Variants in FOXP1 observed in about 807,000 individuals in gnomAD.
FOXP1 encodes the protein forkhead box P1, also known as forkhead box protein P1.
In FOXP1, 15 loss-of-function variants were observed where a neutral mutation model predicts 98.2. The observed-to-expected ratio is 0.15, with a 90% CI of 0.10 to 0.24. The LOEUF (loss-of-function observed/expected upper bound fraction) is 0.24, where lower values mean the gene tolerates loss of function less well. Ranked by LOEUF, FOXP1 falls within the 10% of genes least tolerant of loss-of-function variation. FOXP1 has a pLI of 1.00. For missense variants in FOXP1, 633 were observed against 848.5 expected (o/e 0.75, Z 3.15); for synonymous variants, 371 against 314.5 (o/e 1.18, Z -1.90).
At chr3:71,279,172 C>CAAAAAAAAAAAAAAAAAAA (rs11308828) in intron 5 of FOXP1, among the ~76,000 whole-genome samples, 26 of 69,778 alleles carry the variant, frequency 3.7e-4, no homozygotes, top group East Asian at 7.9e-4. Flanking sequence ...AACTCCATCT[C>CAAAAAAAAAAAAAAAAAAA]AAAAAAAAAA....
intron 5 of FOXP1, among the ~76,000 whole-genome samples, chr3:71,236,082 G>A (rs1222925217): frequency 6.6e-6 from 1 of 152,140 alleles, no homozygotes; most frequent in East Asian, 1.9e-4. Flanking sequence ...AACATTCAAG[G>A]AATCCCATTC....
At chr3:71,126,260 G>A (rs946964826) in intron 6 of FOXP1, among the ~76,000 whole-genome samples, 12 of 150,056 alleles carry the variant, frequency 8.0e-5, no homozygotes, top group African/African-American at 2.2e-4. Flanking sequence ...CAAGGCGGGC[G>A]GATCACCAGG....
At chr3:71,001,666 T>TAG (rs1386606975) in intron 12 of FOXP1, among the ~76,000 whole-genome samples, 1 of 152,224 alleles carries the variant, frequency 6.6e-6, no homozygotes, top group Non-Finnish European at 1.5e-5. Flanking sequence ...GTTGATGGTC[T>TAG]AGATATCCAG....
At chr3:71,199,777 G>A (rs886966289) in intron 5 of FOXP1, among the ~76,000 whole-genome samples, 1 of 150,176 alleles carries the variant, frequency 6.7e-6, no homozygotes, top group Non-Finnish European at 1.5e-5. Context: ...AAAATGAGTA[G>A]CTAGAAAATA....
At chr3:71,385,871 T>A (rs1354601946) in intron 3 of FOXP1, among the ~76,000 whole-genome samples, 2 of 152,196 alleles carry the variant, frequency 1.3e-5, no homozygotes, top group Non-Finnish European at 2.9e-5. Flanking sequence ...TGGCTTCAGA[T>A]CCACATCTCC....
chr3:71,132,443 AT>A (rs201048651), intron 6 of FOXP1, among the ~76,000 whole-genome samples: 1,568 of 152,348 alleles, frequency 0.01, 26 homozygotes, highest in African/African-American at 0.035. Context: ...ATTAAAAAAA[AT>A]AAAGCCTCTT....
At chr3:71,224,575 T>A (rs952481778) in intron 5 of FOXP1, among the ~76,000 whole-genome samples, 2 of 152,094 alleles carry the variant, frequency 1.3e-5, no homozygotes, top group East Asian at 3.9e-4. Context: ...TCAGAAAACA[T>A]ACACAGCAAA....
intron 11 of FOXP1, among the ~76,000 whole-genome samples, chr3:71,026,377 C>T (rs188799391): frequency 1.3e-5 from 2 of 152,224 alleles, no homozygotes; most frequent in African/African-American, 4.8e-5. Flanking sequence ...CCTTGAGGAT[C>T]CAGTCTGTAG....
intron 7 of FOXP1, among the ~76,000 whole-genome samples, chr3:71,073,378 G>A (rs2053477262): frequency 6.6e-6 from 1 of 152,024 alleles, no homozygotes; most frequent in Admixed American, 6.5e-5. Flanking sequence ...CCTGCCTTGG[G>A]GCTTATATTT....
intron 6 of FOXP1, among the ~76,000 whole-genome samples, chr3:71,190,496 C>T (rs2062900164): frequency 6.6e-6 from 1 of 151,382 alleles, no homozygotes; most frequent in African/African-American, 2.4e-5. Flanking sequence ...AGCTGGCCTG[C>T]CGTCCCAGCA....
rs1305145527 is a variant in FOXP1, at chr3:71,501,396, G to A, written c.-297-7841C>T. Among the ~76,000 whole-genome samples, 11 of 150,058 alleles carry A rather than the reference G, an allele frequency of 7.3e-5. No individual in the cohort carries two copies. The East Asian group carries it at 2.2e-3, about 30-fold the overall frequency. The stretch of plus-strand genomic sequence containing the variant: ...CACCACCTCCGACTCCCTGGTTCAA[G>A]CGATTCTCCTGCCTCAGCGTCCCGA... On this transcript the variant is annotated intron_variant, in intron 2 of 20. Transcript: ENST00000649528.
intron 7 of FOXP1, among the ~76,000 whole-genome samples, chr3:71,094,447 T>C (rs2056259903): frequency 6.6e-6 from 1 of 152,140 alleles, no homozygotes; most frequent in South Asian, 2.1e-4. Context: ...GCCCGGCTAA[T>C]ATAATTTTCA....
intron 11 of FOXP1, chr3:71,040,451 T>C (rs1291840094): frequency 6.6e-6 from 1 of 152,174 alleles, no homozygotes; most frequent in Non-Finnish European, 1.5e-5. Flanking sequence ...CAAAAAGTTT[T>C]CAATTTTAGG....
At chr3:71,109,025 T>G (rs2057688260) in intron 7 of FOXP1, among the ~76,000 whole-genome samples, 1 of 152,224 alleles carries the variant, frequency 6.6e-6, no homozygotes, top group African/African-American at 2.4e-5. Context: ...ATAAAAAAAT[T>G]TGCGAAGCAA....
At chr3:71,297,581 T>C (rs958615451) in intron 5 of FOXP1, among the ~76,000 whole-genome samples, 1 of 151,130 alleles carries the variant, frequency 6.6e-6, no homozygotes. Context: ...AAGCTAAACT[T>C]TTCATCTTTT....
chr3:71,497,894 T>G (rs1337930410), intron 2 of FOXP1, among the ~76,000 whole-genome samples: 2 of 152,208 alleles, frequency 1.3e-5, no homozygotes, highest in Non-Finnish European at 2.9e-5. Context: ...CATTGAAATA[T>G]TTTAGAGAAA....
chr3:71,348,089 A>T lies in FOXP1; in HGVS notation c.-73+11061T>A, dbSNP rs555519175. ...CAAATAACATAGGACAATTTTAACA[A>T]TACTGTAATAGAAGTTATGTGAATG... On this transcript the variant is annotated intron_variant, in intron 4 of 20. Transcript: ENST00000649528. Among the ~76,000 whole-genome samples the T allele has an allele frequency of 3.5e-3, 526 of 152,256 alleles. 1 individual carries two copies. Among genetic ancestry groups the T allele is most frequent in the Non-Finnish European group, 5.8e-3 (395 of 68,018 alleles).
At chr3:71,183,787 A>G (rs2062475578) in intron 6 of FOXP1, among the ~76,000 whole-genome samples, 1 of 152,070 alleles carries the variant, frequency 6.6e-6, no homozygotes, top group Non-Finnish European at 1.5e-5. Context: ...ATAGATATGC[A>G]AATTTGGAGG....
chr3:71,151,821 A>C (rs2108070348), intron 6 of FOXP1, among the ~76,000 whole-genome samples: 1 of 152,184 alleles, frequency 6.6e-6, no homozygotes, highest in South Asian at 2.1e-4. Flanking sequence ...TATTTTACAA[A>C]CACTCTTAGC....
Sources: allele counts gnomAD v4.1 joint callset (sites outside exome capture counted in the v4.1 genomes callset), GRCh38; gene constraint gnomAD v4.1.1; transcripts MANE v1.5; gene names NCBI Gene and HGNC (gene_info 2026-07-23, HGNC 2026-07-21).